The following FBXO16 variants were observed in gnomAD, a reference collection of about 807,000 sequenced individuals.
FBXO16 encodes the protein F-box protein 16.
In FBXO16, 31 loss-of-function variants were observed where a neutral mutation model predicts 41.0. The ratio of observed to expected loss-of-function variants is 0.76; its 90% CI spans 0.57 to 1.02. The LOEUF (loss-of-function observed/expected upper bound fraction) is 1.02. Among genes scored for constraint, FBXO16 ranks in the 50% least tolerant of loss-of-function variants. The pLI, the probability that FBXO16 is intolerant of heterozygous loss-of-function variation, is 0.00. For missense variants in FBXO16, 361 were observed against 346.2 expected, an observed-to-expected ratio of 1.04 and a Z score of -0.34; for synonymous variants, 133 against 117.8, an observed-to-expected ratio of 1.13 and a Z score of -0.84.
Position 28,463,639 on chromosome 8 carries a change from G to A in FBXO16, c.315C>T (p.Asp105=), listed in dbSNP as rs554606670. 4.8e-5 allele frequency: 77 copies of A among 1,614,110 alleles called. No individual in the cohort carries two copies. In the African/African-American group the frequency reaches 8.8e-4, roughly 18 times the overall value. ...GTGCACAACGACAAAGGCTCCGAGG[G>A]TCCAGGAAAGAAAAGATGTATAAAG... ...VLSLYIFSFL[D]PRSLCRCAQV... is the part of the protein sequence containing the mutation. Residue 105 remains aspartate (D), a synonymous_variant, in exon 4 of 9, where the codon GAC becomes GAT. Transcript: ENST00000380254.
chr8:28,466,172 G>C (rs1803235676), intron 3 of FBXO16, among the ~76,000 whole-genome samples: 1 of 152,096 alleles, frequency 6.6e-6, no homozygotes, highest in Non-Finnish European at 1.5e-5. Context: ...CCAGGAGGCG[G>C]AGGTTGCGGA....
chr8:28,476,482 C>A (rs1027982539), intron 2 of FBXO16, among the ~76,000 whole-genome samples: 1 of 152,206 alleles, frequency 6.6e-6, no homozygotes, highest in Non-Finnish European at 1.5e-5. Context: ...TGGTTTGGAG[C>A]AAGTCTTTAT....
At chr8:28,475,401 C>T (rs927633013) in intron 2 of FBXO16, among the ~76,000 whole-genome samples, 1 of 152,204 alleles carries the variant, frequency 6.6e-6, no homozygotes, top group African/African-American at 2.4e-5. Flanking sequence ...AGACCCTCCC[C>T]TGCAGCTAAC....
intron 6 of FBXO16, among the ~76,000 whole-genome samples, chr8:28,450,479 G>A (rs115192774): frequency 2.0e-5 from 3 of 152,274 alleles, no homozygotes; most frequent in South Asian, 4.2e-4. Flanking sequence ...AAACTTTTGT[G>A]CTCTAAAAGA....
At chr8:28,471,770 A>T (rs1234308392) in intron 3 of FBXO16, among the ~76,000 whole-genome samples, 1 of 143,806 alleles carries the variant, frequency 7.0e-6, no homozygotes, top group East Asian at 2.3e-4. Context: ...CTGCCTCCAT[A>T]GATTACTCTC....
At chr8:28,489,732 C>T (rs1212916929) in intron 1 of FBXO16, among the ~76,000 whole-genome samples, 1 of 151,520 alleles carries the variant, frequency 6.6e-6, no homozygotes, top group African/African-American at 2.4e-5. Flanking sequence ...AAAAAAAACC[C>T]TTGTAGAATT....
chr8:28,446,176 CTTT>C (rs11421643), intron 7 of FBXO16, among the ~76,000 whole-genome samples: 1,309 of 83,028 alleles, frequency 0.016, 12 homozygotes, highest in African/African-American at 0.057. Flanking sequence ...TGCATTTTTC[CTTT>C]TTTTTTTTTT....
At chr8:28,446,399 C>T (rs2130112572) in intron 7 of FBXO16, among the ~76,000 whole-genome samples, 1 of 151,328 alleles carries the variant, frequency 6.6e-6, no homozygotes, top group South Asian at 2.1e-4. Flanking sequence ...GCTCGAATCC[C>T]TGACCTCAAG....
chr8:28,441,768 GTA>G (rs1157601230), intron 7 of FBXO16, among the ~76,000 whole-genome samples: 5 of 144,762 alleles, frequency 3.5e-5, no homozygotes, highest in Non-Finnish European at 7.6e-5. Flanking sequence ...AAAAAATATT[GTA>G]TGTCTTTACA....
chr8:28,476,920 T>C (rs771595770), intron 2 of FBXO16, among the ~76,000 whole-genome samples: 3 of 152,216 alleles, frequency 2.0e-5, no homozygotes, highest in Admixed American at 6.5e-5. Context: ...CATAATGAAA[T>C]GTCAAGGAAA....
chr8:28,447,970 A>G (rs778843923), intron 6 of FBXO16, among the ~76,000 whole-genome samples: 3 of 152,152 alleles, frequency 2.0e-5, no homozygotes, highest in Middle Eastern at 3.4e-3. Context: ...ATAATAATAA[A>G]ATAAAATGGA....
intron 7 of FBXO16, among the ~76,000 whole-genome samples, chr8:28,444,481 C>CTTTTT (rs1206057786): frequency 1.9e-5 from 2 of 106,768 alleles, no homozygotes; most frequent in Non-Finnish European, 4.0e-5. Context: ...TTTTTCTTTT[C>CTTTTT]TTTTTTTTTT....
chr8:28,429,540 C>T (rs1287592696), intron 7 of FBXO16, 137 bp from the exon 8 acceptor site: 4 of 926,756 alleles, frequency 4.3e-6, no homozygotes, highest in Non-Finnish European at 6.7e-6. Flanking sequence ...AAGGAGAGAC[C>T]TAAGAGGATT....
In FBXO16 at chr8:28,456,857, T is replaced by A; in HGVS notation, c.416A>T (p.Tyr139Phe). Residue 139 changes from tyrosine (Y) to phenylalanine (F), a missense_variant, in exon 5 of 9, where the codon TAC becomes TTC. By Grantham distance (22) the Tyr-to-Phe change is conservative (BLOSUM62 3). Transcript: ENST00000380254. ...WMLKCLRFNW[Y>F]INFSPTPFEQ... ...AAAGGGAGTTGGAGAGAAATTGATG[T>A]ACCAGTTAAACCGTAAACATTTCAG... 1 of 1,614,142 alleles carries A rather than the reference T, an allele frequency of 6.2e-7. No homozygotes were observed. The highest frequency in any genetic ancestry group is 8.5e-7 in the Non-Finnish European group (1 of 1,180,024).
chr8:28,468,740 G>A (rs1034690849), intron 3 of FBXO16, among the ~76,000 whole-genome samples: 12 of 151,500 alleles, frequency 7.9e-5, no homozygotes, highest in African/African-American at 1.5e-4. Flanking sequence ...CCCAGCTACC[G>A]GGGAGGCTGA....
At chr8:28,464,829 T>C (rs1038615865) in intron 3 of FBXO16, among the ~76,000 whole-genome samples, 1 of 152,158 alleles carries the variant, frequency 6.6e-6, no homozygotes, top group Non-Finnish European at 1.5e-5. Flanking sequence ...AACTTTAGTA[T>C]TTTTAGTAGA....
intron 7 of FBXO16, among the ~76,000 whole-genome samples, chr8:28,445,210 T>C (rs1047827465): frequency 6.6e-6 from 1 of 152,158 alleles, no homozygotes; most frequent in African/African-American, 2.4e-5. Flanking sequence ...CAATCATGAG[T>C]CCCATTCACG....
At chr8:28,465,775 T>A (rs1803227229) in intron 3 of FBXO16, among the ~76,000 whole-genome samples, 1 of 152,220 alleles carries the variant, frequency 6.6e-6, no homozygotes, top group South Asian at 2.1e-4. Flanking sequence ...TTGCTGTGAA[T>A]CTCCTGTTTT....
chr8:28,431,543 T>C (rs188919844), intron 7 of FBXO16, among the ~76,000 whole-genome samples: 7 of 152,332 alleles, frequency 4.6e-5, no homozygotes, highest in Admixed American at 2.6e-4. Flanking sequence ...AACCTTTTCT[T>C]TCCTACTGAT....
Sources: gnomAD v4.1 joint callset for allele counts (sites outside exome capture counted in the v4.1 genomes callset) on GRCh38, gnomAD v4.1.1 for gene constraint, MANE v1.5 for transcripts, NCBI Gene and HGNC (gene_info 2026-07-23, HGNC 2026-07-21) for gene names.